COG5: variants seen among roughly 807,000 people sequenced by gnomAD.
COG5 encodes the protein conserved oligomeric Golgi complex subunit 5.
COG5 carries 86 observed loss-of-function variants against 110.4 expected under a neutral mutation model. The ratio of observed to expected loss-of-function variants is 0.78; its 90% CI spans 0.65 to 0.93. The LOEUF is 0.93. Ranked by LOEUF, COG5 falls within the 40% of genes least tolerant of loss-of-function variation. The pLI, the probability that COG5 is intolerant of heterozygous loss-of-function variation, is 0.00. For missense variants in COG5, 1,077 were observed against 987.0 expected, an observed-to-expected ratio of 1.09 and a Z score of -1.22; for synonymous variants, 360 against 334.6, an observed-to-expected ratio of 1.08 and a Z score of -0.83.
intron 1 of COG5, among the ~76,000 whole-genome samples, chr7:107,560,074 G>A (rs1584968240): frequency 6.6e-6 from 1 of 152,222 alleles, no homozygotes; most frequent in East Asian, 1.9e-4. Flanking sequence ...TAGTCACACA[G>A]CAATGTGCTG....
At chr7:107,456,729 A>C (rs1183169197) in intron 6 of COG5, among the ~76,000 whole-genome samples, 1 of 152,224 alleles carries the variant, frequency 6.6e-6, no homozygotes, top group Non-Finnish European at 1.5e-5. Context: ...CAAAAAGGCC[A>C]GGCAAAGAAC....
rs1171649751 is a variant in COG5, at chr7:107,415,834, A to ATG, written c.539-3204_539-3203dup. ...TATACACACATACACGTATGTATGT[A>ATG]TGTGTGTGTATATATACACACACAT... On this transcript the variant is annotated intron_variant, in intron 6 of 21. Coordinates refer to ENST00000297135, the MANE Select transcript of COG5 (RefSeq NM_006348.5). Among the ~76,000 whole-genome samples the ATG allele has an allele frequency of 1.7e-4, 14 of 80,072 alleles. 1 individual carries two copies. The highest frequency in any genetic ancestry group is 6.7e-4 in the East Asian group (2 of 2,980). 52.5% of individuals were successfully genotyped at this position (80,072 alleles called of 152,430 possible).
chr7:107,459,358 C>G (rs1795852090), intron 6 of COG5, among the ~76,000 whole-genome samples: 1 of 151,672 alleles, frequency 6.6e-6, no homozygotes, highest in African/African-American at 2.4e-5. Flanking sequence ...TCATAGCAAT[C>G]CTAAATGTGC....
chr7:107,488,844 C>T (rs1218574724), intron 6 of COG5, among the ~76,000 whole-genome samples: 1 of 151,898 alleles, frequency 6.6e-6, no homozygotes, highest in South Asian at 2.1e-4. Flanking sequence ...AAGACCCTGC[C>T]TCAAAATATT....
In COG5 at chr7:107,558,614, C is replaced by T. The variant is rs544950541; in HGVS notation, c.95-499G>A. On this transcript the variant is annotated intron_variant, in intron 1 of 21. Transcript: ENST00000297135. ...GCAAGACTTTATCTCTGGCCGGGCG[C>T]GGTGGCTCACACCTGTAATCCCAGC... 8.8e-5 allele frequency among the ~76,000 whole-genome samples: 13 copies of T among 148,414 alleles called. No homozygotes were observed. In the South Asian group the frequency reaches 1.9e-3, roughly 22 times the overall value.
At chr7:107,429,405 T>C (rs909291975) in intron 6 of COG5, among the ~76,000 whole-genome samples, 24 of 152,252 alleles carry the variant, frequency 1.6e-4, no homozygotes, top group Admixed American at 5.2e-4. Context: ...CATGTGCTCA[T>C]TGGCCATTTG....
At chr7:107,402,973 C>A (rs1387526154) in intron 7 of COG5, among the ~76,000 whole-genome samples, 6 of 152,222 alleles carry the variant, frequency 3.9e-5, no homozygotes, top group African/African-American at 1.4e-4. Context: ...CATATCTAAA[C>A]AGTCATTTAG....
chr7:107,247,850 A>G lies in COG5; in HGVS notation c.1853+546T>C, dbSNP rs191162626. Among the ~76,000 whole-genome samples the G allele has an allele frequency of 7.7e-4, 118 of 152,332 alleles. 1 individual carries two copies. Among genetic ancestry groups the G allele is most frequent in the Admixed American group, 4.0e-3 (61 of 15,306 alleles). On this transcript the variant is annotated intron_variant, in intron 17 of 21. Coordinates refer to ENST00000297135, the MANE Select transcript of COG5 (RefSeq NM_006348.5). ...TTGTGGCTAGGTGTGATGTGATCAG[A>G]TTAGATTGTCACATAACCTCCGAGG... is the stretch of plus-strand genomic sequence containing the variant.
chr7:107,507,943 C>T (rs1799151314), intron 6 of COG5, among the ~76,000 whole-genome samples: 1 of 152,208 alleles, frequency 6.6e-6, no homozygotes, highest in African/African-American at 2.4e-5. Context: ...GAACAGCTCC[C>T]AGCGTGAGCG....
At chr7:107,374,977 C>T (rs528825823) in intron 7 of COG5, among the ~76,000 whole-genome samples, 54 of 152,104 alleles carry the variant, frequency 3.6e-4, no homozygotes, top group African/African-American at 1.1e-3. Flanking sequence ...TAACTATCAC[C>T]TAGATCATGA....
chr7:107,208,559 TC>T, intron 21 of COG5: 5 of 985,396 alleles, frequency 5.1e-6, no homozygotes, highest in Non-Finnish European at 6.0e-6. Context: ...GGAAAAATAA[TC>T]CACACAGACA....
chr7:107,520,193 T>A (rs1800226453), intron 6 of COG5, among the ~76,000 whole-genome samples: 1 of 152,182 alleles, frequency 6.6e-6, no homozygotes, highest in African/African-American at 2.4e-5. Flanking sequence ...AATATCATAC[T>A]AAATGGGCAA....
At position 107,283,628 on chromosome 7, in the gene COG5, C is replaced by T; in HGVS notation, c.1418G>A (p.Gly473Asp). The T allele has an allele frequency of 6.2e-7, 1 of 1,613,894 alleles. No homozygotes were observed. The highest frequency in any genetic ancestry group is 1.1e-5 in the South Asian group (1 of 91,076). ...FDPINLVFPP[G>D]GRNPPSSDEL... ...ATCAGAGGAAGGAGGATTACGACCA[C>T]CCGGGGGAAAAACCAAGTTGATAGG... is the stretch of plus-strand genomic sequence containing the variant. The change falls in exon 13 of 22, where the codon GGT becomes GAT. Residue 473 changes from glycine (G) to aspartate (D), a missense_variant. Gly to Asp is a moderately conservative substitution (Grantham distance 94). Coordinates refer to ENST00000297135, the MANE Select transcript of COG5 (RefSeq NM_006348.5).
intron 1 of COG5, among the ~76,000 whole-genome samples, chr7:107,559,930 G>A (rs772043338): frequency 3.3e-4 from 50 of 152,284 alleles, no homozygotes; most frequent in Admixed American, 1.8e-3. Context: ...AGGTTGGAGC[G>A]CAGTTTGAAA....
chr7:107,451,717 T>C (rs540469026), intron 6 of COG5, among the ~76,000 whole-genome samples: 1 of 152,320 alleles, frequency 6.6e-6, no homozygotes, highest in South Asian at 2.1e-4. Flanking sequence ...TTAATGAACA[T>C]TAAATATACT....
chr7:107,254,913 T>A (rs970461559), intron 16 of COG5, among the ~76,000 whole-genome samples: 9 of 152,298 alleles, frequency 5.9e-5, no homozygotes, highest in African/African-American at 2.2e-4. Context: ...AGTATCGTAA[T>A]GTTTTAAAAA....
intron 16 of COG5, among the ~76,000 whole-genome samples, chr7:107,254,757 A>G (rs1270958391): frequency 6.6e-6 from 1 of 152,182 alleles, no homozygotes; most frequent in Non-Finnish European, 1.5e-5. Context: ...ACTGAAATAC[A>G]GTCTATGAGT....
chr7:107,314,559 A>C (rs1808557553), intron 11 of COG5, among the ~76,000 whole-genome samples: 2 of 144,280 alleles, frequency 1.4e-5, no homozygotes, highest in African/African-American at 5.4e-5. Context: ...CCTGGGTAAC[A>C]CGGTGAAACC....
chr7:107,560,206 A>G (rs1002614522), intron 1 of COG5, among the ~76,000 whole-genome samples: 8 of 152,196 alleles, frequency 5.3e-5, no homozygotes, highest in Non-Finnish European at 2.9e-5. Flanking sequence ...CACCATGGTA[A>G]TCAGCAAACA....
Sources: gnomAD v4.1 joint callset for allele counts (sites outside exome capture counted in the v4.1 genomes callset) on GRCh38, gnomAD v4.1.1 for gene constraint, MANE v1.5 for transcripts, NCBI Gene and HGNC (gene_info 2026-07-23, HGNC 2026-07-21) for gene names.